The following ODF2 variants were observed in gnomAD, a reference collection of about 807,000 sequenced individuals.
ODF2 encodes the protein outer dense fiber protein 2.
A neutral mutation model predicts 110.2 loss-of-function variants in ODF2; 47 were observed. That is an observed-to-expected ratio of 0.43 (90% CI 0.34 to 0.54). The LOEUF (loss-of-function observed/expected upper bound fraction) is 0.54. ODF2 is among the 20% of genes least tolerant of loss of function. ODF2 has a pLI of 0.03. For synonymous variants in ODF2, 352 were observed against 397.7 expected, an observed-to-expected ratio of 0.89 and a Z score of 1.37; for missense variants, 812 against 1,054.5, an observed-to-expected ratio of 0.77 and a Z score of 3.19.
chr9:128,458,914 G>A (rs1383105259), intron 2 of ODF2, among the ~76,000 whole-genome samples: 6 of 151,834 alleles, frequency 4.0e-5, no homozygotes, highest in Admixed American at 3.3e-4. Context: ...GCGTGGTTAC[G>A]GCTCACTGCA....
intron 18 of ODF2, 25 bp from the exon 19 acceptor site, chr9:128,498,388 G>C (rs751651933): frequency 1.3e-5 from 20 of 1,546,670 alleles, no homozygotes; most frequent in Non-Finnish European, 1.7e-5. Flanking sequence ...GTATGCCCAG[G>C]ATCTGATTGA....
At chr9:128,456,326 CCCCG>C in intron 1 of ODF2, 71 bp downstream of exon 1, 1 of 1,465,208 alleles carries the variant, frequency 6.8e-7, no homozygotes, top group Non-Finnish European at 9.0e-7. Flanking sequence ...GCCTTCGCAC[CCCCG>C]GCGCGGTCGA....
intron 13 of ODF2, among the ~76,000 whole-genome samples, chr9:128,486,125 T>A (rs887909384): frequency 1.3e-5 from 2 of 152,160 alleles, no homozygotes; most frequent in Non-Finnish European, 2.9e-5. Context: ...GACAAATGCA[T>A]TCCCTGCCCT....
Position 128,460,765 on chromosome 9 carries a change from A to G in ODF2, c.124-177A>G, listed in dbSNP as rs1294530785. On this transcript the variant is annotated intron_variant, in intron 3 of 20. Coordinates refer to ENST00000604420, the Ensembl canonical transcript of ODF2. Reference sequence around the variant, plus strand: ...TCTGACTCCAAAGGTTTGGGAGACAAACACACTCTTTCGGAGGCCGGTTTC... The same window carrying G: ...TCTGACTCCAAAGGTTTGGGAGACAGACACACTCTTTCGGAGGCCGGTTTC... 2.5e-5 allele frequency: 38 copies of G among 1,545,392 alleles called. No homozygotes were observed. In the East Asian group the frequency reaches 7.8e-4, roughly 32 times the overall value.
chr9:128,459,523 C>T (rs2131455421), intron 2 of ODF2, 44 bp from the exon 2 acceptor site: 1 of 1,440,032 alleles, frequency 6.9e-7, no homozygotes, highest in Non-Finnish European at 9.7e-7. Context: ...TATAAGATTG[C>T]CCTAGTTTTC....
chr9:128,493,079 TAAC>T (rs925167789), intron 16 of ODF2, among the ~76,000 whole-genome samples: 19 of 150,810 alleles, frequency 1.3e-4, no homozygotes, highest in Admixed American at 1.0e-3. Flanking sequence ...TTTCTTAAAA[TAAC>T]AACAACAAAA....
At chr9:128,499,953 C>A in intron 20 of ODF2, 114 bp from the exon 21 acceptor site, 1 of 1,044,354 alleles carries the variant, frequency 9.6e-7, no homozygotes, top group Non-Finnish European at 1.4e-6. Context: ...TTAGAAGTCA[C>A]TCCACACTCG....
chr9:128,457,470 G>C (rs759343345), intron 2 of ODF2: 1 of 1,580,056 alleles, frequency 6.3e-7, no homozygotes, highest in South Asian at 1.1e-5. Context: ...CTGCGCCGGA[G>C]GGCAGGGAAA....
At chr9:128,464,424 G>C (rs1165867064) in intron 4 of ODF2, among the ~76,000 whole-genome samples, 1 of 151,084 alleles carries the variant, frequency 6.6e-6, no homozygotes, top group Non-Finnish European at 1.5e-5. Context: ...AAAGTGCTGG[G>C]ATTACAGGCG....
chr9:128,487,838 C>G (rs1843708162), intron 13 of ODF2, 52 bp from the exon 14 acceptor site: 1 of 1,596,760 alleles, frequency 6.3e-7, no homozygotes, highest in Non-Finnish European at 8.6e-7. Flanking sequence ...CACACACAAA[C>G]AAACCTGTGT....
chr9:128,484,974 G>T, intron 12 of ODF2, 88 bp downstream of exon 12: 56 of 1,239,956 alleles, frequency 4.5e-5, no homozygotes, highest in Non-Finnish European at 6.1e-5. Context: ...GGGTAGCGGG[G>T]AGGGGTGGGT....
Position 128,492,551 on chromosome 9 carries a change from G to C in ODF2, c.1647+15G>C. 6.3e-7 allele frequency: 1 copy of C among 1,590,202 alleles called. No individual in the cohort carries two copies. The highest frequency in any genetic ancestry group is 8.6e-7 in the Non-Finnish European group (1 of 1,160,278). On this transcript the variant is annotated intron_variant, in intron 15 of 20. Transcript: ENST00000604420. ...ATAAGAGTCAGGTAGGCCTCACTGG[G>C]GCCCTGGCCCTTCTGAGCAGTGCCC...
chr9:128,480,367 C>T (rs1375039344), intron 8 of ODF2, among the ~76,000 whole-genome samples: 2 of 152,206 alleles, frequency 1.3e-5, no homozygotes, highest in Non-Finnish European at 2.9e-5. Context: ...ATTAACACAT[C>T]CATCACGTCA....
In ODF2 at chr9:128,494,810, TGTGAAATAAAAGTCTGGTGTGCC is replaced by T; in HGVS notation, c.1911+143_1911+165del. 6.5e-7 allele frequency: 1 copy of T among 1,546,130 alleles called. No homozygotes were observed. Among genetic ancestry groups the T allele is most frequent in the Non-Finnish European group, 8.7e-7 (1 of 1,146,506 alleles). On this transcript the variant is annotated intron_variant, in intron 17 of 20. Coordinates refer to ENST00000604420, the Ensembl canonical transcript of ODF2. This position sits in a 1 kb window ranked among gnomAD's most constrained non-coding sequence, Gnocchi z 4.6. ...AAAAGGAGTGAGCTATCATCAGTGC[TGTGAAATAAAAGTCTGGTGTGCC>T]AAATGCCATGTGTTTGCACAAAGTG...
rs761923827 is a variant in ODF2 at position 128,494,641 on chromosome 9, A to G, written c.1884A>G (p.Thr628=). The stretch of plus-strand genomic sequence containing the variant: ...ATGAGCGGAAGAACATCGACCTCAC[A>G]GCCATCATATCAGACCTGCGCAGCC... Residue 628 remains threonine (T), a synonymous_variant, in exon 17 of 21, where the codon ACA becomes ACG. Coordinates refer to ENST00000604420, the Ensembl canonical transcript of ODF2. This position sits in a 1 kb window ranked among gnomAD's most constrained non-coding sequence, Gnocchi z 4.6. 8 of 1,614,202 alleles carry G rather than the reference A, an allele frequency of 5.0e-6. No individual in the cohort carries two copies. The highest frequency in any genetic ancestry group is 2.2e-5 in the East Asian group (1 of 44,880).
At chr9:128,495,950 T>C in intron 17 of ODF2, 91 bp from the exon 18 acceptor site, 3 of 1,499,826 alleles carry the variant, frequency 2.0e-6, no homozygotes, top group Non-Finnish European at 1.8e-6. Flanking sequence ...ACTGTGCCCC[T>C]TTCCTGGGTG....
Position 128,494,633 on chromosome 9 carries a change from G to A in ODF2, c.1876G>A (p.Asp626Asn), listed in dbSNP as rs1050048509. ...GCAGGGCTATGAGCGGAAGAACATC[G>A]ACCTCACAGCCATCATATCAGACCT... is the stretch of plus-strand genomic sequence containing the variant. Residue 626 changes from aspartate (D) to asparagine (N), a missense_variant, in exon 17 of 21, where the codon GAC becomes AAC. Asp to Asn is a conservative substitution (Grantham distance 23). Around this residue, in one of 5 missense-constraint regions of ODF2, gnomAD observed 165 missense variants for 293.4 expected, o/e 0.56. Transcript: ENST00000604420. The surrounding 1 kb of genome is among the most constrained non-coding windows in gnomAD (Gnocchi z 4.6). The A allele has an allele frequency of 6.2e-7, 1 of 1,613,976 alleles. No individual in the cohort carries two copies. The highest frequency in any genetic ancestry group is 1.3e-5 in the African/African-American group (1 of 74,896).
chr9:128,455,255 T>C, upstream of ODF2: 2 of 1,532,568 alleles, frequency 1.3e-6, no homozygotes, highest in Non-Finnish European at 1.7e-6. Context: ...GCATAGAGAG[T>C]GCAGGAGGGT....
At chr9:128,467,187 G>A (rs1342389678) in intron 4 of ODF2, among the ~76,000 whole-genome samples, 8 of 150,666 alleles carry the variant, frequency 5.3e-5, no homozygotes, top group Non-Finnish European at 8.8e-5. Context: ...CACCTGGGCT[G>A]TATGGTATAG....
Sources: allele counts gnomAD v4.1 joint callset (sites outside exome capture counted in the v4.1 genomes callset), GRCh38; gene constraint gnomAD v4.1.1; regional missense constraint gnomAD v4.1.1; non-coding constraint Gnocchi (gnomAD v3.1); transcripts MANE v1.5; gene names NCBI Gene and HGNC (gene_info 2026-07-23, HGNC 2026-07-21).